The following PTDSS2 variants were observed in gnomAD, a reference collection of about 807,000 sequenced individuals.
PTDSS2 encodes the protein phosphatidylserine synthase 2.
In PTDSS2, 41 loss-of-function variants were observed where a neutral mutation model predicts 64.7. The observed-to-expected ratio is 0.63, with a 90% CI of 0.49 to 0.82. The LOEUF (loss-of-function observed/expected upper bound fraction) is 0.82, where lower values mean the gene tolerates loss of function less well. PTDSS2 is among the 40% of genes least tolerant of loss of function. The pLI is 0.00. For missense variants in PTDSS2, 485 were observed against 650.0 expected, an observed-to-expected ratio of 0.75 and a Z score of 2.76; for synonymous variants, 297 against 277.8, an observed-to-expected ratio of 1.07 and a Z score of -0.69.
intron 4 of PTDSS2, among the ~76,000 whole-genome samples, chr11:484,087 A>G (rs1482149863): frequency 1.3e-5 from 2 of 151,910 alleles, no homozygotes; most frequent in African/African-American, 4.8e-5. Context: ...ACCATTAGTT[A>G]TTCCATCATG....
intron 4 of PTDSS2, among the ~76,000 whole-genome samples, chr11:486,625 G>C (rs1055690352): frequency 6.6e-6 from 1 of 152,090 alleles, no homozygotes; most frequent in Non-Finnish European, 1.5e-5. Flanking sequence ...GGCGGATCAC[G>C]AGGTCAGGAG....
At chr11:482,248 AG>A (rs1848106283) in intron 4 of PTDSS2, among the ~76,000 whole-genome samples, 1 of 110,242 alleles carries the variant, frequency 9.1e-6, no homozygotes, top group African/African-American at 3.7e-5. Flanking sequence ...TTTGAGACGG[AG>A]TCTTGCTCTG....
In PTDSS2 at chr11:450,649, G is replaced by A. The variant is rs751140637; in HGVS notation, c.182+12G>A. 11 of 1,243,002 alleles carry A rather than the reference G, an allele frequency of 8.8e-6. No homozygotes were observed. In the African/African-American group the frequency reaches 1.7e-4, roughly 19 times the overall value. The allele number at this position is 1,243,002 out of a possible 1,614,324, so 77.0% of individuals were successfully genotyped here. A position where few individuals can be genotyped will look rare whatever the true frequency, so the allele number is the denominator to read the frequency against. Reference sequence around the variant, plus strand: ...AACACCTTCTTCTGGTGAGGGCAGTGGGCGGCCGCGGGGCGGCGAGGGTGC... The same window carrying A: ...AACACCTTCTTCTGGTGAGGGCAGTAGGCGGCCGCGGGGCGGCGAGGGTGC... On this transcript the variant is annotated intron_variant, in intron 1 of 11. Coordinates refer to ENST00000308020, the MANE Select transcript of PTDSS2 (RefSeq NM_030783.3).
chr11:490,822 A>G lies in PTDSS2; in HGVS notation c.*240A>G, dbSNP rs1395477624. ...TACGCGTGTGTACGCGCGTGTGTAC[A>G]CATGCGTGGCCGCCTGTGGTGTGCA... On this transcript the variant is annotated 3_prime_UTR_variant, in exon 12 of 12. Transcript: ENST00000308020. 5 of 361,774 alleles carry G rather than the reference A, an allele frequency of 1.4e-5. No individual in the cohort carries two copies. Among genetic ancestry groups the G allele is most frequent in the Non-Finnish European group, 2.6e-5 (5 of 193,996 alleles). The allele number at this position is 361,774 out of a possible 1,614,324, so 22.4% of individuals were successfully genotyped here. A position where few individuals can be genotyped will look rare whatever the true frequency, so the allele number is the denominator to read the frequency against.
chr11:467,164 C>T (rs1349406411), intron 2 of PTDSS2, among the ~76,000 whole-genome samples: 1 of 152,124 alleles, frequency 6.6e-6, no homozygotes, highest in Admixed American at 6.5e-5. Flanking sequence ...GCACTCCAGC[C>T]TGGGTGACAA....
chr11:483,855 C>T (rs117786620), intron 4 of PTDSS2, among the ~76,000 whole-genome samples: 11,003 of 152,252 alleles, frequency 0.072, 559 homozygotes, highest in Non-Finnish European at 0.11. Context: ...GGTGAAGGCG[C>T]GCACTGGCAC....
intron 4 of PTDSS2, among the ~76,000 whole-genome samples, chr11:481,846 C>CTT (rs577828521): frequency 7.1e-6 from 1 of 140,588 alleles, no homozygotes; most frequent in Non-Finnish European, 1.6e-5. Context: ...TATTTCTTTT[C>CTT]TTTTTTTTTT....
At chr11:486,639 A>G (rs1200141729) in intron 4 of PTDSS2, among the ~76,000 whole-genome samples, 1 of 152,024 alleles carries the variant, frequency 6.6e-6, no homozygotes, top group Non-Finnish European at 1.5e-5. Context: ...TCAGGAGATC[A>G]AGACCATCCT....
chr11:470,956 A>G lies in PTDSS2; in HGVS notation c.285-2939A>G, dbSNP rs1847398245. On this transcript the variant is annotated intron_variant, in intron 2 of 11. Transcript: ENST00000308020. The surrounding 1 kb of genome is among the most constrained non-coding windows in gnomAD (Gnocchi z 5.3). ...CCTGTGAGATATGGGAGCTTTTACT[A>G]TTTTTACAATAATTCTGTAAATCTA... Among the ~76,000 whole-genome samples, 1 of 152,174 alleles carries G rather than the reference A, an allele frequency of 6.6e-6. No homozygotes were observed. The highest frequency in any genetic ancestry group is 2.4e-5 in the African/African-American group (1 of 41,460).
chr11:485,116 GGCGCGTGTGCTC>G, intron 4 of PTDSS2, among the ~76,000 whole-genome samples: 1 of 136,346 alleles, frequency 7.3e-6, no homozygotes, highest in African/African-American at 2.9e-5. Flanking sequence ...ACAGTGCACG[GGCGCGTGTGCTC>G]ACTGTGTGCG....
At position 462,497 on chromosome 11, in the gene PTDSS2, G is replaced by A. The variant is rs181799799; in HGVS notation, c.284+2209G>A. ...TCTTTCCCCCTCACCCTCTTTGAGG[G>A]CACAAAAGAAGCCACCTGTCCTTCT... On this transcript the variant is annotated intron_variant, in intron 2 of 11. Transcript: ENST00000308020. This position sits in a 1 kb window ranked among gnomAD's most constrained non-coding sequence, Gnocchi z 4.5. Among the ~76,000 whole-genome samples, 72 of 152,330 alleles carry A rather than the reference G, an allele frequency of 4.7e-4. No individual in the cohort carries two copies. The highest frequency in any genetic ancestry group is 6.8e-3 in the Middle Eastern group (2 of 294).
chr11:465,252 G>T (rs946872798), intron 2 of PTDSS2, among the ~76,000 whole-genome samples: 1 of 152,150 alleles, frequency 6.6e-6, no homozygotes, highest in African/African-American at 2.4e-5. Context: ...GTGCAGTGGC[G>T]CAGTCACAGC....
rs192354807 is a variant in PTDSS2, at chr11:460,667, T to G, written c.284+379T>G. 1,389 of 196,468 alleles carry G rather than the reference T, an allele frequency of 7.1e-3. 10 individuals are homozygous for G. The highest frequency in any genetic ancestry group is 0.012 in the Admixed American group (229 of 18,410). 12.2% of individuals were successfully genotyped at this position (196,468 alleles called of 1,614,324 possible). On this transcript the variant is annotated intron_variant, in intron 2 of 11. Coordinates refer to ENST00000308020, the MANE Select transcript of PTDSS2 (RefSeq NM_030783.3). The surrounding 1 kb of genome is among the most constrained non-coding windows in gnomAD (Gnocchi z 5.8). Reference sequence around the variant, plus strand: ...GGTTCCTGCGGTGGCCGCGTGCTGGTTCCGTTAGCCAGCGGGGCTCTTGCA... The same window carrying G: ...GGTTCCTGCGGTGGCCGCGTGCTGGGTCCGTTAGCCAGCGGGGCTCTTGCA...
intron 2 of PTDSS2, among the ~76,000 whole-genome samples, chr11:471,793 T>C (rs376451754): frequency 0.035 from 3,122 of 89,862 alleles, 74 homozygotes; most frequent in African/African-American, 0.063. Context: ...ACGCAGATGG[T>C]GGCCTGGGGT....
Position 488,657 on chromosome 11 carries a change from G to A in PTDSS2, c.854+10G>A. 6.3e-7 allele frequency: 1 copy of A among 1,593,970 alleles called. No homozygotes were observed. Among genetic ancestry groups the A allele is most frequent in the Non-Finnish European group, 8.6e-7 (1 of 1,165,216 alleles). On this transcript the variant is annotated intron_variant, in intron 8 of 11. Transcript: ENST00000308020. ...ACATTCCGACCTACAAGTACGTCGT[G>A]GGGGCTGCGAGGGCAGGGCCGGGTG... is the stretch of plus-strand genomic sequence containing the variant.
Position 460,173 on chromosome 11 carries a change from T to C in PTDSS2, c.183-14T>C. ...CAAGCTCTGACACCATGCTTATGCG[T>C]TTTTGGATTTCAGGCGAGCCCACAC... On this transcript the variant is annotated splice_polypyrimidine_tract_variant and intron_variant, in intron 1 of 11. Transcript: ENST00000308020. The surrounding 1 kb of genome is among the most constrained non-coding windows in gnomAD (Gnocchi z 5.8). The C allele has an allele frequency of 1.2e-6, 2 of 1,609,040 alleles. No homozygotes were observed. Among genetic ancestry groups the C allele is most frequent in the Non-Finnish European group, 1.7e-6 (2 of 1,175,510 alleles).
In PTDSS2 at chr11:460,362, C is replaced by T. The variant is rs984118361; in HGVS notation, c.284+74C>T. 3.3e-5 allele frequency: 42 copies of T among 1,271,672 alleles called. No homozygotes were observed. The highest frequency in any genetic ancestry group is 2.4e-4 in the Admixed American group (13 of 54,284). The allele number at this position is 1,271,672 out of a possible 1,614,324, so 78.8% of individuals were successfully genotyped here. A position where few individuals can be genotyped will look rare whatever the true frequency, so the allele number is the denominator to read the frequency against. On this transcript the variant is annotated intron_variant, in intron 2 of 11. Coordinates refer to ENST00000308020, the MANE Select transcript of PTDSS2 (RefSeq NM_030783.3). This position sits in a 1 kb window ranked among gnomAD's most constrained non-coding sequence, Gnocchi z 5.8. ...TGGTGGGTGTGGCACCCTTACTGCTCGGGCTGCCGGGGGCTCAGAAGGCCT... is the reference window on the plus strand; with the variant it reads ...TGGTGGGTGTGGCACCCTTACTGCTTGGGCTGCCGGGGGCTCAGAAGGCCT...
rs558886987 is a variant in PTDSS2, at chr11:479,057, A to G, written c.368-28A>G. 7 of 1,608,228 alleles carry G rather than the reference A, an allele frequency of 4.4e-6. No individual in the cohort carries two copies. The East Asian group carries it at 6.7e-5, about 15-fold the overall frequency. ...GGCCGTGGAGGCCTGGACCGGGCGCACTAACGTTCTGTCGTCTGTCTTTGT... is the reference window on the plus strand; with the variant it reads ...GGCCGTGGAGGCCTGGACCGGGCGCGCTAACGTTCTGTCGTCTGTCTTTGT... On this transcript the variant is annotated intron_variant, in intron 3 of 11. Coordinates refer to ENST00000308020, the MANE Select transcript of PTDSS2 (RefSeq NM_030783.3). This position sits in a 1 kb window ranked among gnomAD's most constrained non-coding sequence, Gnocchi z 4.2.
Position 488,291 on chromosome 11 carries a change from C to T in PTDSS2, c.714C>T (p.Phe238=), listed in dbSNP as rs1349083238. ...GCCTGGAGCACCAGCTGCCCAACTT[C>T]AGCGAGTGCTGGTGGGATCACGTAG... ...EYSLEHQLPN[F]SECWWDHWIM... Residue 238 remains phenylalanine (F), a synonymous_variant, in exon 7 of 12, where the codon TTC becomes TTT. Coordinates refer to ENST00000308020, the MANE Select transcript of PTDSS2 (RefSeq NM_030783.3). 6.2e-7 allele frequency: 1 copy of T among 1,612,970 alleles called. No individual in the cohort carries two copies. The highest frequency in any genetic ancestry group is 2.2e-5 in the East Asian group (1 of 44,892).
Sources: gnomAD v4.1 joint callset for allele counts (sites outside exome capture counted in the v4.1 genomes callset) on GRCh38, gnomAD v4.1.1 for gene constraint, Gnocchi (gnomAD v3.1) non-coding constraint, MANE v1.5 for transcripts, NCBI Gene and HGNC (gene_info 2026-07-23, HGNC 2026-07-21) for gene names.